The following WWOX variants were observed in gnomAD, a reference collection of about 807,000 sequenced individuals.
WWOX encodes the protein WW domain-containing oxidoreductase.
Under a neutral mutation model 46.2 loss-of-function variants are expected in WWOX, and 69 were observed. The observed-to-expected ratio is 1.49, with a 90% CI of 1.23 to 1.82. The LOEUF is 1.82. Among genes scored for constraint, WWOX ranks in the 40% most tolerant of loss-of-function variants. The probability of loss-of-function intolerance (pLI) is 0.00; values close to 1 mark genes in which losing one functional copy is unlikely to be tolerated. For synonymous variants in WWOX, 359 were observed against 202.6 expected, an observed-to-expected ratio of 1.77 and a Z score of -6.56; for missense variants, 919 against 542.6, an observed-to-expected ratio of 1.69 and a Z score of -6.89.
chr16:79,188,459 T>C (rs2051063715), intron 8 of WWOX, among the ~76,000 whole-genome samples: 1 of 152,212 alleles, frequency 6.6e-6, no homozygotes, highest in Non-Finnish European at 1.5e-5. Context: ...AATTTCTTTC[T>C]TTGAGAATGT....
intron 6 of WWOX, among the ~76,000 whole-genome samples, chr16:78,422,895 T>TTG: frequency 6.8e-6 from 1 of 148,066 alleles, no homozygotes; most frequent in Admixed American, 6.8e-5. Context: ...ATATATTTTT[T>TTG]TTTTCTTTTA....
At chr16:78,316,381 C>T (rs947608811) in intron 5 of WWOX, among the ~76,000 whole-genome samples, 7 of 152,216 alleles carry the variant, frequency 4.6e-5, no homozygotes, top group Non-Finnish European at 8.8e-5. Flanking sequence ...GCTCTTGTCA[C>T]CTGGGCTGGG....
At chr16:78,620,379 C>A (rs559099603) in intron 8 of WWOX, among the ~76,000 whole-genome samples, 1 of 152,164 alleles carries the variant, frequency 6.6e-6, no homozygotes, top group Admixed American at 6.5e-5. Context: ...CAAGTTTCCT[C>A]CAACAGACTC....
At chr16:78,765,690 G>C (rs1205802597) in intron 8 of WWOX, among the ~76,000 whole-genome samples, 1 of 152,110 alleles carries the variant, frequency 6.6e-6, no homozygotes, top group African/African-American at 2.4e-5. Context: ...AAAAAAAGAA[G>C]AGTTGGATCA....
intron 8 of WWOX, among the ~76,000 whole-genome samples, chr16:79,037,498 G>A (rs1221479812): frequency 6.6e-6 from 1 of 152,036 alleles, no homozygotes; most frequent in African/African-American, 2.4e-5. Context: ...TAGGAGTCTA[G>A]GACTCAGCAG....
intron 8 of WWOX, among the ~76,000 whole-genome samples, chr16:78,844,507 C>A (rs2052245669): frequency 2.6e-5 from 4 of 151,946 alleles, no homozygotes; most frequent in Admixed American, 2.6e-4. Flanking sequence ...GGAAAACATC[C>A]CGAGCCCGAA....
chr16:79,060,169 A>C (rs975766279), intron 8 of WWOX, among the ~76,000 whole-genome samples: 29 of 152,206 alleles, frequency 1.9e-4, no homozygotes, highest in African/African-American at 6.5e-4. Flanking sequence ...GGGGAGGAGA[A>C]CATAAAAACC....
intron 8 of WWOX, among the ~76,000 whole-genome samples, chr16:78,575,726 C>G (rs2044861710): frequency 1.3e-5 from 2 of 152,122 alleles, no homozygotes; most frequent in Non-Finnish European, 1.5e-5. Flanking sequence ...ATTTTTAGCA[C>G]TATGAAGAAA....
chr16:78,370,365 G>C (rs2081644838), intron 5 of WWOX, among the ~76,000 whole-genome samples: 1 of 152,066 alleles, frequency 6.6e-6, no homozygotes, highest in Admixed American at 6.5e-5. Context: ...TACATAGTAA[G>C]TACTGTGTAA....
chr16:78,367,497 C>G (rs1018835037), intron 5 of WWOX, among the ~76,000 whole-genome samples: 1 of 152,080 alleles, frequency 6.6e-6, no homozygotes, highest in Non-Finnish European at 1.5e-5. Flanking sequence ...TGTCCAGTGT[C>G]ACCCAGGGAA....
At chr16:78,821,337 C>A (rs1051073463) in intron 8 of WWOX, among the ~76,000 whole-genome samples, 1 of 152,104 alleles carries the variant, frequency 6.6e-6, no homozygotes, top group Non-Finnish European at 1.5e-5. Context: ...GGAAGCCAAG[C>A]GCCCCCCAGC....
intron 8 of WWOX, among the ~76,000 whole-genome samples, chr16:78,444,084 C>G (rs2083504691): frequency 6.6e-6 from 1 of 152,142 alleles, no homozygotes; most frequent in African/African-American, 2.4e-5. Flanking sequence ...AAACCTGGTG[C>G]TCAGAATCGT....
chr16:78,438,938 C>G (rs2083389383), intron 8 of WWOX, among the ~76,000 whole-genome samples: 1 of 152,140 alleles, frequency 6.6e-6, no homozygotes, highest in Non-Finnish European at 1.5e-5. Flanking sequence ...CTTGAATAAC[C>G]CGCTGCAGGG....
intron 8 of WWOX, among the ~76,000 whole-genome samples, chr16:78,681,291 G>A (rs1403445206): frequency 2.0e-5 from 3 of 152,154 alleles, no homozygotes; most frequent in Non-Finnish European, 2.9e-5. Context: ...TATGGTCCCA[G>A]CTACTTGGGA....
chr16:78,498,905 GTC>G (rs2084984820), intron 8 of WWOX, among the ~76,000 whole-genome samples: 1 of 152,060 alleles, frequency 6.6e-6, no homozygotes, highest in Non-Finnish European at 1.5e-5. Flanking sequence ...TTCCTCGATT[GTC>G]TCTCCTTTAT....
At chr16:78,135,905 G>A (rs563338052) in intron 4 of WWOX, among the ~76,000 whole-genome samples, 1 of 152,164 alleles carries the variant, frequency 6.6e-6, no homozygotes, top group African/African-American at 2.4e-5. Flanking sequence ...TATTCAGCAT[G>A]CAAATGTGGG....
chr16:79,003,765 G>A (rs2047139583), intron 8 of WWOX, among the ~76,000 whole-genome samples: 1 of 152,160 alleles, frequency 6.6e-6, no homozygotes, highest in Non-Finnish European at 1.5e-5. Flanking sequence ...AAGTGGCACG[G>A]CCTTTTCTGA....
chr16:78,391,144 T>TG (rs1376615916), intron 6 of WWOX, among the ~76,000 whole-genome samples: 1 of 152,100 alleles, frequency 6.6e-6, no homozygotes, highest in Non-Finnish European at 1.5e-5. Context: ...CTGTGGGAGA[T>TG]GGGGATCAGC....
intron 5 of WWOX, among the ~76,000 whole-genome samples, chr16:78,243,846 C>T (rs1186558576): frequency 6.6e-6 from 1 of 152,158 alleles, no homozygotes; most frequent in African/African-American, 2.4e-5. Context: ...CGCACCTGGC[C>T]TATTGTTCCC....
Sources: gnomAD v4.1 joint callset for allele counts (sites outside exome capture counted in the v4.1 genomes callset) on GRCh38, gnomAD v4.1.1 for gene constraint, MANE v1.5 for transcripts, NCBI Gene and HGNC (gene_info 2026-07-23, HGNC 2026-07-21) for gene names.